The following NBEAL1 variants were observed in gnomAD, a reference collection of about 807,000 sequenced individuals.
NBEAL1 encodes neurobeachin-like protein 1.
Under a neutral mutation model 351.3 loss-of-function variants are expected in NBEAL1, and 273 were observed. The ratio of observed to expected loss-of-function variants is 0.78; its 90% confidence interval spans 0.70 to 0.86. The LOEUF (loss-of-function observed/expected upper bound fraction) is 0.86. Ranked by LOEUF, NBEAL1 falls within the 40% of genes least tolerant of loss-of-function variation. The pLI is 0.00. For missense variants in NBEAL1, 2,961 were observed against 3,201.3 expected, an observed-to-expected ratio of 0.92 and a Z score of 1.81; for synonymous variants, 1,050 against 1,086.4, an observed-to-expected ratio of 0.97 and a Z score of 0.66.
chr2:203,198,169 T>C (rs1388693657), intron 48 of NBEAL1, among the ~76,000 whole-genome samples: 1 of 151,594 alleles, frequency 6.6e-6, no homozygotes, highest in Non-Finnish European at 1.5e-5. Context: ...CACACCACCA[T>C]GGCCAGCTAA....
In NBEAL1 at chr2:203,221,459, C is replaced by G. The variant is rs1454084697; in HGVS notation, c.*4105C>G. 6.6e-6 allele frequency among the ~76,000 whole-genome samples: 1 copy of G among 151,842 alleles called. No homozygotes were observed. The highest frequency in any genetic ancestry group is 1.5e-5 in the Non-Finnish European group (1 of 67,952). On this transcript the variant is annotated 3_prime_UTR_variant, in exon 56 of 56. Coordinates refer to ENST00000683969, the MANE Select transcript of NBEAL1 (RefSeq NM_001378026.1). ...GTCTTTTCAAATATGTATATTTAAA[C>G]CTGTCTTCTGGAAACAGGTTCTTGA...
At chr2:203,096,881 G>A (rs925073474) in intron 10 of NBEAL1, among the ~76,000 whole-genome samples, 1 of 152,152 alleles carries the variant, frequency 6.6e-6, no homozygotes, top group South Asian at 2.1e-4. Flanking sequence ...TGGGTGTTAC[G>A]TACTACGGTA....
intron 3 of NBEAL1, among the ~76,000 whole-genome samples, chr2:203,044,801 A>G (rs1376513053): frequency 6.6e-6 from 1 of 152,194 alleles, no homozygotes; most frequent in Non-Finnish European, 1.5e-5. Flanking sequence ...ACCTTAGAGA[A>G]TTCATAATGT....
At chr2:203,191,319 G>GA (rs200659518) in intron 46 of NBEAL1, 131,516 of 371,350 alleles carry the variant, frequency 0.35, 14,075 homozygotes, top group Non-Finnish European at 0.39. Context: ...TTTGACAACT[G>GA]AAAAAAAAAA....
intron 16 of NBEAL1, among the ~76,000 whole-genome samples, chr2:203,112,385 C>A (rs1287226499): frequency 6.6e-6 from 1 of 152,114 alleles, no homozygotes; most frequent in Admixed American, 6.6e-5. Flanking sequence ...ATCAATCTAT[C>A]GTTTAATAAA....
intron 53 of NBEAL1, among the ~76,000 whole-genome samples, chr2:203,210,428 G>A (rs2065753573): frequency 6.6e-6 from 1 of 150,550 alleles, no homozygotes; most frequent in Non-Finnish European, 1.5e-5. Context: ...TTGGGAGGCC[G>A]AGGTGGGCGG....
At chr2:203,176,348 T>G (rs991667860) in intron 42 of NBEAL1, among the ~76,000 whole-genome samples, 1 of 151,976 alleles carries the variant, frequency 6.6e-6, no homozygotes, top group Non-Finnish European at 1.5e-5. Flanking sequence ...CAGGCTGGTC[T>G]TGAACTCCTG....
intron 10 of NBEAL1, among the ~76,000 whole-genome samples, chr2:203,089,288 G>C (rs1453881071): frequency 2.0e-5 from 3 of 151,562 alleles, no homozygotes; most frequent in African/African-American, 7.3e-5. Flanking sequence ...GAACCTCAGA[G>C]ACGGAGGTTG....
intron 3 of NBEAL1, among the ~76,000 whole-genome samples, chr2:203,045,463 G>T (rs532513903): frequency 2.0e-5 from 3 of 152,238 alleles, no homozygotes; most frequent in Non-Finnish European, 2.9e-5. Flanking sequence ...ATAAATAAGA[G>T]AATGAAAGAA....
intron 2 of NBEAL1, among the ~76,000 whole-genome samples, chr2:203,024,102 G>A (rs1440811782): frequency 1.3e-5 from 2 of 151,742 alleles, no homozygotes; most frequent in African/African-American, 2.4e-5. Context: ...AGGGCAGGGT[G>A]GGAGATTTGC....
chr2:203,169,792 A>G lies in NBEAL1; in HGVS notation c.6043A>G (p.Asn2015Asp). ...CCGACTGTTGTCACTTCATTCCCCA[A>G]ATAGTTATTATGGAAGCAGATCACC... ...YSRLLSLHSP[N>D]SYYGSRSPQE... Residue 2015 changes from asparagine (N) to aspartate (D), a missense_variant, in exon 39 of 56, where the codon AAT becomes GAT. By Grantham distance (23) the Asn-to-Asp change is conservative. Coordinates refer to ENST00000683969, the MANE Select transcript of NBEAL1 (RefSeq NM_001378026.1). 3 of 1,610,716 alleles carry G rather than the reference A, an allele frequency of 1.9e-6. No homozygotes were observed. Among genetic ancestry groups the G allele is most frequent in the Non-Finnish European group, 2.5e-6 (3 of 1,178,370 alleles).
At chr2:203,051,330 G>T (rs2061319848) in intron 4 of NBEAL1, among the ~76,000 whole-genome samples, 1 of 152,060 alleles carries the variant, frequency 6.6e-6, no homozygotes. Flanking sequence ...ATCGCTTGAG[G>T]TCAGGAGTTT....
chr2:203,080,921 T>C (rs1487875507), intron 8 of NBEAL1, among the ~76,000 whole-genome samples: 1 of 152,212 alleles, frequency 6.6e-6, no homozygotes. Context: ...AGAAGCTGAT[T>C]GGATCCTCTT....
chr2:203,190,648 C>T, intron 46 of NBEAL1: 1 of 1,086,704 alleles, frequency 9.2e-7, no homozygotes. Context: ...CCCAAAAAGG[C>T]ACTTGCTTTC....
intron 44 of NBEAL1, among the ~76,000 whole-genome samples, chr2:203,187,780 G>A (rs1020199339): frequency 2.6e-5 from 4 of 151,586 alleles, no homozygotes; most frequent in Non-Finnish European, 5.9e-5. Flanking sequence ...CTTTTTAACC[G>A]ATCTTACTGC....
In NBEAL1 at chr2:203,180,603, GATT is replaced by G. The variant is rs1379269337; in HGVS notation, c.6595+95_6595+97del. ...CAGGACATTTTTGTAATATCCTGTA[GATT>G]ATTTAAGATTCATTCTGTCTGTGGA... On this transcript the variant is annotated intron_variant, in intron 43 of 55. Coordinates refer to ENST00000683969, the MANE Select transcript of NBEAL1 (RefSeq NM_001378026.1). The G allele has an allele frequency of 2.7e-6, 3 of 1,113,190 alleles. No homozygotes were observed. In the African/African-American group the frequency reaches 4.8e-5, roughly 18 times the overall value. 69.0% of individuals were successfully genotyped at this position (1,113,190 alleles called of 1,614,324 possible).
chr2:203,030,779 C>G (rs1326474594), intron 2 of NBEAL1, among the ~76,000 whole-genome samples: 1 of 152,120 alleles, frequency 6.6e-6, no homozygotes, highest in South Asian at 2.1e-4. Flanking sequence ...GTAGTCCCAG[C>G]ACTTTGGGAG....
In NBEAL1 at chr2:203,057,104, A is replaced by G. The variant is rs569975254; in HGVS notation, c.388-222A>G. 2.6e-5 allele frequency among the ~76,000 whole-genome samples: 4 copies of G among 152,320 alleles called. No individual in the cohort carries two copies. The East Asian group carries it at 5.8e-4, about 22-fold the overall frequency. Reference sequence around the variant, plus strand: ...TTTTTATGTATTATTTATTTATCACATATCCTTCTTACTGAAAACATATTA... The same window carrying G: ...TTTTTATGTATTATTTATTTATCACGTATCCTTCTTACTGAAAACATATTA... On this transcript the variant is annotated intron_variant, in intron 5 of 55. Coordinates refer to ENST00000683969, the MANE Select transcript of NBEAL1 (RefSeq NM_001378026.1).
chr2:203,144,973 T>C (rs779498739), intron 32 of NBEAL1, 38 bp from the exon 33 acceptor site: 1 of 1,498,350 alleles, frequency 6.7e-7, no homozygotes, highest in Admixed American at 2.5e-5. Context: ...TGAAGTCATA[T>C]ATTAAATTTT....
Sources: allele counts gnomAD v4.1 joint callset (sites outside exome capture counted in the v4.1 genomes callset), GRCh38; gene constraint gnomAD v4.1.1; transcripts MANE v1.5; gene names NCBI Gene and HGNC (gene_info 2026-07-23, HGNC 2026-07-21).